The following NEURL1 variants were observed in gnomAD, a reference collection of about 807,000 sequenced individuals.
NEURL1 encodes neuralized E3 ubiquitin protein ligase 1.
Under a neutral mutation model 41.2 loss-of-function variants are expected in NEURL1, and 26 were observed. The observed-to-expected ratio is 0.63, with a 90% CI of 0.46 to 0.87. NEURL1 has a LOEUF of 0.87. Ranked by LOEUF, NEURL1 falls within the 40% of genes least tolerant of loss-of-function variation. The pLI is 0.00. For missense variants in NEURL1, 761 were observed against 871.1 expected (o/e 0.87, Z 1.59); for synonymous variants, 400 against 402.3 (o/e 0.99, Z 0.07).
At chr10:103,547,568 A>T (rs1204254232) in intron 1 of NEURL1, among the ~76,000 whole-genome samples, 1 of 152,246 alleles carries the variant, frequency 6.6e-6, no homozygotes, top group East Asian at 1.9e-4. Flanking sequence ...CAGAGGAAGC[A>T]GAATCCCCAG....
chr10:103,551,912 C>T (rs1312989326), intron 1 of NEURL1, among the ~76,000 whole-genome samples: 1 of 152,240 alleles, frequency 6.6e-6, no homozygotes, highest in Non-Finnish European at 1.5e-5. Flanking sequence ...GGGGCTGCTG[C>T]TCATCTGAAG....
At chr10:103,521,174 G>GGT (rs2034340527) in intron 1 of NEURL1, among the ~76,000 whole-genome samples, 2 of 152,226 alleles carry the variant, frequency 1.3e-5, no homozygotes, top group Admixed American at 1.3e-4. Flanking sequence ...GACAGAAAGG[G>GGT]GTATGAAGGT....
chr10:103,525,873 G>A (rs964168291), intron 1 of NEURL1, among the ~76,000 whole-genome samples: 3 of 152,208 alleles, frequency 2.0e-5, no homozygotes, highest in Admixed American at 6.5e-5. Flanking sequence ...TATGATGTTG[G>A]CTATGATTTT....
At chr10:103,540,888 G>T (rs573080790) in intron 1 of NEURL1, among the ~76,000 whole-genome samples, 1 of 152,344 alleles carries the variant, frequency 6.6e-6, no homozygotes, top group African/African-American at 2.4e-5. Flanking sequence ...ATATTCATTG[G>T]TCATGGGCCA....
In NEURL1 at chr10:103,498,116, T is replaced by A. The variant is rs566553848; in HGVS notation, c.85+3644T>A. Among the ~76,000 whole-genome samples, 10 of 152,222 alleles carry A rather than the reference T, an allele frequency of 6.6e-5. No individual in the cohort carries two copies. The East Asian group carries it at 1.9e-3, about 29-fold the overall frequency. ...TATATTTTCAGTGAGGGGCACAGAG[T>A]GACTGGGGTAGGGTGCACAGGAGGT... On this transcript the variant is annotated intron_variant, in intron 1 of 5. Transcript: ENST00000369780.
Position 103,589,555 on chromosome 10 carries a change from T to G in NEURL1, c.1381T>G (p.Cys461Gly). Residue 461 changes from cysteine to glycine, a missense_variant, in exon 5 of 6, where the codon TGC becomes GGC. Physicochemically the swap from Cys to Gly is radical, Grantham distance 159. This residue lies in a region of NEURL1 where 443 missense variants were observed against 408.1 expected (regional missense o/e 1.09). Coordinates refer to ENST00000369780, the MANE Select transcript of NEURL1 (RefSeq NM_004210.5). ...CGAGCGGGGTATCCCATCACTCCCCTGCTCCCCTGCCTCCACGCCAACCTC... is the reference window on the plus strand; with the variant it reads ...CGAGCGGGGTATCCCATCACTCCCCGGCTCCCCTGCCTCCACGCCAACCTC... ...LAERGIPSLP[C>G]SPASTPTSPS... The G allele has an allele frequency of 1.9e-6, 3 of 1,613,792 alleles. No individual in the cohort carries two copies. Among genetic ancestry groups the G allele is most frequent in the Non-Finnish European group, 2.5e-6 (3 of 1,179,840 alleles).
In NEURL1 at chr10:103,508,491, G is replaced by A. The variant is rs778575392; in HGVS notation, c.85+14019G>A. On this transcript the variant is annotated intron_variant, in intron 1 of 5. Transcript: ENST00000369780. The surrounding 1 kb of genome is among the most constrained non-coding windows in gnomAD (Gnocchi z 4.3). ...GACAAAGGCAGACCTTGGACTCAAT[G>A]GAGTGCCAGCCCTGTCTGGGTGGAC... is the stretch of plus-strand genomic sequence containing the variant. Among the ~76,000 whole-genome samples the A allele has an allele frequency of 2.0e-5, 3 of 152,216 alleles. No individual in the cohort carries two copies. Among genetic ancestry groups the A allele is most frequent in the Admixed American group, 2.0e-4 (3 of 15,286 alleles).
intron 1 of NEURL1, among the ~76,000 whole-genome samples, chr10:103,557,546 C>T (rs2035183337): frequency 6.6e-6 from 1 of 152,204 alleles, no homozygotes; most frequent in African/African-American, 2.4e-5. Flanking sequence ...CCAGGCGGGG[C>T]CTCCCTTAAG....
chr10:103,549,845 G>C (rs7893473), intron 1 of NEURL1, among the ~76,000 whole-genome samples: 25,490 of 152,154 alleles, frequency 0.17, 2,339 homozygotes, highest in South Asian at 0.31. Flanking sequence ...AGGCATAGCA[G>C]CAGAAGACAT....
At chr10:103,501,618 T>TTTATTATTCTTA (rs2033825271) in intron 1 of NEURL1, among the ~76,000 whole-genome samples, 2 of 142,596 alleles carry the variant, frequency 1.4e-5, no homozygotes, top group Non-Finnish European at 3.0e-5. Context: ...TCCCACTTTA[T>TTTATTATTCTTA]TTATTATTAT....
chr10:103,525,464 C>T (rs1369875256), intron 1 of NEURL1, among the ~76,000 whole-genome samples: 1 of 151,840 alleles, frequency 6.6e-6, no homozygotes, highest in African/African-American at 2.4e-5. Context: ...AGCCATTCTC[C>T]TGCCTCAGCA....
intron 1 of NEURL1, among the ~76,000 whole-genome samples, chr10:103,548,580 C>T (rs914801804): frequency 2.0e-5 from 3 of 152,308 alleles, no homozygotes; most frequent in African/African-American, 7.2e-5. Flanking sequence ...GCCTCGGCCT[C>T]CCAAAGTGCT....
In NEURL1 at chr10:103,563,933, C is replaced by T. The variant is rs370384680; in HGVS notation, c.86-6939C>T. ...ATTGGGGGCATAAATCAAGACACTG[C>T]CCTTGAAGCCATGAGAGGCTGGGCA... is the stretch of plus-strand genomic sequence containing the variant. On this transcript the variant is annotated intron_variant, in intron 1 of 5. Transcript: ENST00000369780. Among the ~76,000 whole-genome samples the T allele has an allele frequency of 1.9e-4, 29 of 152,194 alleles. 1 individual carries two copies. The highest frequency in any genetic ancestry group is 1.5e-3 in the East Asian group (8 of 5,188).
intron 1 of NEURL1, among the ~76,000 whole-genome samples, chr10:103,526,108 T>A (rs990338254): frequency 6.6e-6 from 1 of 152,230 alleles, no homozygotes; most frequent in Non-Finnish European, 1.5e-5. Flanking sequence ...GTGAATCATC[T>A]TTTTGATGTG....
chr10:103,575,174 CCCCT>C (rs1222731000), intron 3 of NEURL1, among the ~76,000 whole-genome samples: 1 of 151,990 alleles, frequency 6.6e-6, no homozygotes, highest in Non-Finnish European at 1.5e-5. Context: ...CCACTTCCCG[CCCCT>C]CCCTCTCTCC....
intron 3 of NEURL1, among the ~76,000 whole-genome samples, chr10:103,577,391 C>G (rs905779314): frequency 6.6e-6 from 1 of 152,210 alleles, no homozygotes; most frequent in Non-Finnish European, 1.5e-5. Context: ...TTGTCCTGCT[C>G]TTTAAAGATC....
rs1333249189 is a variant in NEURL1 at position 103,571,680 on chromosome 10, ATTC to A, written c.509_511del (p.Phe170del). On this transcript the variant is annotated inframe_deletion, in exon 3 of 6. Transcript: ENST00000369780. Reference sequence around the variant, plus strand: ...TTGCCAATGAGGGCAACATCATCGCATTCTGGGTGGACAAGAAGGGCCGTGTCT... The same window carrying A: ...TTGCCAATGAGGGCAACATCATCGCATGGGTGGACAAGAAGGGCCGTGTCT... The A allele has an allele frequency of 1.2e-6, 2 of 1,614,034 alleles. No homozygotes were observed. The highest frequency in any genetic ancestry group is 1.7e-6 in the Non-Finnish European group (2 of 1,179,996).
chr10:103,526,486 C>G (rs2034461267), intron 1 of NEURL1, among the ~76,000 whole-genome samples: 1 of 151,846 alleles, frequency 6.6e-6, no homozygotes. Context: ...CCAGGAATTT[C>G]TCAATTTCTG....
At chr10:103,542,593 T>C (rs2034843275) in intron 1 of NEURL1, among the ~76,000 whole-genome samples, 1 of 152,188 alleles carries the variant, frequency 6.6e-6, no homozygotes, top group Admixed American at 6.5e-5. Context: ...TCCTAGGTGA[T>C]GCTGATGTGC....
Sources: allele counts gnomAD v4.1 joint callset (sites outside exome capture counted in the v4.1 genomes callset), GRCh38; gene constraint gnomAD v4.1.1; regional missense constraint gnomAD v4.1.1; non-coding constraint Gnocchi (gnomAD v3.1); transcripts MANE v1.5; gene names NCBI Gene and HGNC (gene_info 2026-07-23, HGNC 2026-07-21).